The following ADAMTS18 variants were observed in gnomAD, a reference collection of about 807,000 sequenced individuals.
The protein encoded by ADAMTS18 is A disintegrin and metalloproteinase with thrombospondin motifs 18.
Under a neutral mutation model 165.9 loss-of-function variants are expected in ADAMTS18, and 157 were observed. The observed-to-expected ratio is 0.95, with a 90% CI of 0.83 to 1.08. The LOEUF is 1.08. ADAMTS18 is among the 50% of genes least tolerant of loss of function. The pLI, the probability that ADAMTS18 is intolerant of heterozygous loss-of-function variation, is 0.00. For missense variants in ADAMTS18, 2,040 were observed against 1,534.0 expected, an observed-to-expected ratio of 1.33 and a Z score of -5.51; for synonymous variants, 782 against 578.2, an observed-to-expected ratio of 1.35 and a Z score of -5.06.
intron 2 of ADAMTS18, chr16:77,433,610 C>G (rs1187147345): frequency 6.6e-6 from 1 of 152,304 alleles, no homozygotes. Context: ...TTCTCCATGA[C>G]TCCATCCTGC....
chr16:77,290,681 A>T (rs2055345158), intron 21 of ADAMTS18: 1 of 166,288 alleles, frequency 6.0e-6, no homozygotes. Flanking sequence ...GGACCGCGTC[A>T]CACACCAATC....
chr16:77,287,339 A>G (rs866316718), intron 22 of ADAMTS18, among the ~76,000 whole-genome samples: 15 of 152,286 alleles, frequency 9.8e-5, no homozygotes, highest in African/African-American at 3.1e-4. Flanking sequence ...CAAGCATGTA[A>G]TCATCCCTAT....
intron 16 of ADAMTS18, among the ~76,000 whole-genome samples, chr16:77,316,561 C>T (rs919264419): frequency 2.6e-5 from 4 of 152,154 alleles, no homozygotes; most frequent in African/African-American, 9.7e-5. Flanking sequence ...TGTGGGCCAC[C>T]CCCTGACTAT....
chr16:77,387,485 T>C (rs1487746904), intron 3 of ADAMTS18, among the ~76,000 whole-genome samples: 2 of 152,040 alleles, frequency 1.3e-5, no homozygotes, highest in African/African-American at 4.8e-5. Context: ...TACTCAAGAG[T>C]ACACACACAG....
intron 3 of ADAMTS18, among the ~76,000 whole-genome samples, chr16:77,386,441 T>G (rs1174508555): frequency 6.6e-6 from 1 of 152,224 alleles, no homozygotes; most frequent in East Asian, 1.9e-4. Flanking sequence ...TAGAGGAATT[T>G]GAGCCCAATA....
chr16:77,339,923 G>C (rs1054911763), intron 11 of ADAMTS18, among the ~76,000 whole-genome samples: 1 of 152,166 alleles, frequency 6.6e-6, no homozygotes, highest in Non-Finnish European at 1.5e-5. Context: ...CTGTGCCTTT[G>C]CCTCTGATGT....
chr16:77,296,999 A>G (rs1350632551), intron 18 of ADAMTS18, among the ~76,000 whole-genome samples: 1 of 152,198 alleles, frequency 6.6e-6, no homozygotes, highest in Non-Finnish European at 1.5e-5. Flanking sequence ...TTTTAGAGAC[A>G]AGATCTCACT....
chr16:77,423,314 G>A (rs2057628009), intron 3 of ADAMTS18, among the ~76,000 whole-genome samples: 1 of 152,128 alleles, frequency 6.6e-6, no homozygotes, highest in Non-Finnish European at 1.5e-5. Flanking sequence ...TTTTCTGCCT[G>A]TGGATTGTAA....
At chr16:77,368,103 C>A (rs556244797) in intron 3 of ADAMTS18, among the ~76,000 whole-genome samples, 39 of 152,294 alleles carry the variant, frequency 2.6e-4, no homozygotes, top group African/African-American at 8.9e-4. Flanking sequence ...GAACTCTTGG[C>A]CTCCCAAAAT....
chr16:77,404,368 A>G (rs2057368723), intron 3 of ADAMTS18, among the ~76,000 whole-genome samples: 1 of 152,170 alleles, frequency 6.6e-6, no homozygotes, highest in Admixed American at 6.5e-5. Flanking sequence ...TAGGGGGGAA[A>G]CAGATTTTGA....
At chr16:77,301,857 G>A (rs560232190) in intron 16 of ADAMTS18, among the ~76,000 whole-genome samples, 28 of 152,120 alleles carry the variant, frequency 1.8e-4, no homozygotes, top group African/African-American at 6.7e-4. Flanking sequence ...ATGGATCTGT[G>A]TTCCCCCATC....
chr16:77,381,600 G>C (rs573573325), intron 3 of ADAMTS18, among the ~76,000 whole-genome samples: 26 of 152,008 alleles, frequency 1.7e-4, no homozygotes, highest in Admixed American at 1.4e-3. Flanking sequence ...TCAGAAGTTC[G>C]AGACCAGCCT....
At chr16:77,406,841 A>C (rs75628338) in intron 3 of ADAMTS18, among the ~76,000 whole-genome samples, 2,432 of 152,178 alleles carry the variant, frequency 0.016, 71 homozygotes, top group African/African-American at 0.055. Flanking sequence ...ATTAACAAAG[A>C]AACAGAAAGC....
Position 77,434,598 on chromosome 16 carries a change from G to A in ADAMTS18, c.90+8C>T, listed in dbSNP as rs1469903385. Reference sequence around the variant, plus strand: ...CCCGCTCTCGGAGCTCCGCTCGGCGGCACCTGCCTTGGCCACGCGCCCCAG... The same window carrying A: ...CCCGCTCTCGGAGCTCCGCTCGGCGACACCTGCCTTGGCCACGCGCCCCAG... On this transcript the variant is annotated splice_region_variant and intron_variant, in intron 1 of 22. Coordinates refer to ENST00000282849, the MANE Select transcript of ADAMTS18 (RefSeq NM_199355.4). 16 of 1,525,946 alleles carry A rather than the reference G, an allele frequency of 1.0e-5. No homozygotes were observed. Among genetic ancestry groups the A allele is most frequent in the Non-Finnish European group, 1.3e-5 (15 of 1,141,958 alleles). The allele number at this position is 1,525,946 out of a possible 1,614,324, so 94.5% of individuals were successfully genotyped here. A position where few individuals can be genotyped will look rare whatever the true frequency, so the allele number is the denominator to read the frequency against.
intron 16 of ADAMTS18, among the ~76,000 whole-genome samples, chr16:77,312,537 C>T (rs1835086): frequency 5.9e-5 from 9 of 151,980 alleles, no homozygotes; most frequent in South Asian, 4.2e-4. Flanking sequence ...CGCACTCGGC[C>T]GTCTCAAAAA....
rs1008529667 is a variant in ADAMTS18 at position 77,282,364 on chromosome 16, G to A, written c.*1592C>T. 2.6e-5 allele frequency: 4 copies of A among 151,898 alleles called. No individual in the cohort carries two copies. Among genetic ancestry groups the A allele is most frequent in the African/African-American group, 9.7e-5 (4 of 41,376 alleles). The allele number at this position is 151,898 out of a possible 1,614,324, so 9.4% of individuals were successfully genotyped here. On this transcript the variant is annotated 3_prime_UTR_variant, in exon 23 of 23. Coordinates refer to ENST00000282849, the MANE Select transcript of ADAMTS18 (RefSeq NM_199355.4). ...AACTTGCTGTTTTTCAGAAGGCAACGGGGTTGTAGTAGAGAAAATTTTTTT... is the reference window on the plus strand; with the variant it reads ...AACTTGCTGTTTTTCAGAAGGCAACAGGGTTGTAGTAGAGAAAATTTTTTT...
At chr16:77,385,965 A>G (rs2057101912) in intron 3 of ADAMTS18, among the ~76,000 whole-genome samples, 2 of 152,258 alleles carry the variant, frequency 1.3e-5, no homozygotes, top group Admixed American at 1.3e-4. Flanking sequence ...GGGAGAACAA[A>G]GAACTGTCCA....
intron 20 of ADAMTS18, among the ~76,000 whole-genome samples, chr16:77,292,718 G>A (rs1156545644): frequency 1.3e-5 from 2 of 152,240 alleles, no homozygotes; most frequent in Non-Finnish European, 2.9e-5. Context: ...AATCAGGAGA[G>A]AACTGGGAAG....
chr16:77,400,560 C>T (rs2057317680), intron 3 of ADAMTS18, among the ~76,000 whole-genome samples: 1 of 151,222 alleles, frequency 6.6e-6, no homozygotes, highest in African/African-American at 2.4e-5. Flanking sequence ...CAGCTCACTG[C>T]AAGCTCCGCC....
Sources: allele counts gnomAD v4.1 joint callset (sites outside exome capture counted in the v4.1 genomes callset), GRCh38; gene constraint gnomAD v4.1.1; transcripts MANE v1.5; gene names NCBI Gene and HGNC (gene_info 2026-07-23, HGNC 2026-07-21).